The following MRC1 variants were observed in gnomAD, a reference collection of about 807,000 sequenced individuals.
MRC1 encodes mannose receptor C-type 1, also known as macrophage mannose receptor 1.
In MRC1, 62 loss-of-function variants were observed where a neutral mutation model predicts 102.9. That is an observed-to-expected ratio of 0.60 (90% CI 0.49 to 0.74). The LOEUF (loss-of-function observed/expected upper bound fraction) is 0.74, where lower values mean the gene tolerates loss of function less well. Ranked by LOEUF, MRC1 falls within the 30% of genes least tolerant of loss-of-function variation. The pLI is 0.00. For missense variants in MRC1, 1,237 were observed against 862.8 expected (o/e 1.43, Z -5.43); for synonymous variants, 457 against 298.4 (o/e 1.53, Z -5.48).
chr10:17,832,335 T>A (rs1400150785), intron 3 of MRC1, among the ~76,000 whole-genome samples: 1 of 150,936 alleles, frequency 6.6e-6, no homozygotes, highest in Non-Finnish European at 1.5e-5. Context: ...GGCGGGTGGA[T>A]CACAAGGTCA....
intron 4 of MRC1, 132 bp downstream of exon 4, chr10:17,833,971 A>G: frequency 1.5e-6 from 1 of 648,418 alleles, no homozygotes. Context: ...TGTGGATGTC[A>G]TGACAAATCT....
intron 17 of MRC1, among the ~76,000 whole-genome samples, chr10:17,876,548 T>C (rs985000954): frequency 0.52 from 78,569 of 152,032 alleles, 20,660 homozygotes; most frequent in Middle Eastern, 0.61. Flanking sequence ...GTGCCCAGTC[T>C]CAGAACCATT....
At chr10:17,874,193 C>G (rs1056607907) in intron 16 of MRC1, among the ~76,000 whole-genome samples, 3 of 152,174 alleles carry the variant, frequency 2.0e-5, no homozygotes, top group African/African-American at 7.2e-5. Context: ...GAATCAATTT[C>G]ACTGGGCCAA....
chr10:17,830,925 G>C (rs1385727571), intron 3 of MRC1, among the ~76,000 whole-genome samples: 1 of 150,576 alleles, frequency 6.6e-6, no homozygotes, highest in Non-Finnish European at 1.5e-5. Flanking sequence ...GTCTTGCTCT[G>C]TCACTGAGGC....
At chr10:17,873,875 CCT>C (rs1833389700) in intron 16 of MRC1, 50 bp downstream of exon 16, 2 of 866,338 alleles carry the variant, frequency 2.3e-6, no homozygotes, top group Non-Finnish European at 4.0e-6. Flanking sequence ...CCTTTCTCCG[CCT>C]CTTTCCTTTC....
intron 26 of MRC1, among the ~76,000 whole-genome samples, chr10:17,905,876 T>C (rs1833888013): frequency 1.3e-5 from 2 of 152,166 alleles, no homozygotes; most frequent in Admixed American, 6.5e-5. Context: ...GGGGCAAAGA[T>C]GGTACCTATT....
At chr10:17,905,698 A>C (rs1311635743) in intron 26 of MRC1, among the ~76,000 whole-genome samples, 2 of 152,112 alleles carry the variant, frequency 1.3e-5, no homozygotes, top group Non-Finnish European at 2.9e-5. Flanking sequence ...CATGCAGTGA[A>C]AACAAGGCGA....
At chr10:17,878,247 AGTT>A (rs1444313804) in intron 18 of MRC1, among the ~76,000 whole-genome samples, 1 of 152,208 alleles carries the variant, frequency 6.6e-6, no homozygotes, top group Non-Finnish European at 1.5e-5. Flanking sequence ...TCTACTAAAA[AGTT>A]GTTGTTTTAG....
chr10:17,874,735 C>G (rs1461568146), intron 16 of MRC1, among the ~76,000 whole-genome samples: 2 of 151,498 alleles, frequency 1.3e-5, no homozygotes, highest in Non-Finnish European at 1.5e-5. Context: ...GCTGCTTTCT[C>G]ATAGTTCCCA....
At chr10:17,874,148 G>T (rs920155012) in intron 16 of MRC1, among the ~76,000 whole-genome samples, 3 of 152,170 alleles carry the variant, frequency 2.0e-5, no homozygotes, top group Admixed American at 6.6e-5. Context: ...ATAACATGCA[G>T]TTACTCCCTT....
chr10:17,897,934 C>G, intron 23 of MRC1, 100 bp from the exon 24 acceptor site: 1 of 771,780 alleles, frequency 1.3e-6, no homozygotes, highest in Admixed American at 1.7e-5. Context: ...AGTTATGCTA[C>G]TTTGCTTATT....
At chr10:17,824,246 G>T (rs928490331) in intron 2 of MRC1, among the ~76,000 whole-genome samples, 1 of 152,140 alleles carries the variant, frequency 6.6e-6, no homozygotes, top group East Asian at 1.9e-4. Context: ...CAACTTGAAG[G>T]CTTGTTACAA....
intron 18 of MRC1, among the ~76,000 whole-genome samples, chr10:17,878,489 G>A (rs1217853891): frequency 6.6e-6 from 1 of 152,106 alleles, no homozygotes; most frequent in Non-Finnish European, 1.5e-5. Flanking sequence ...GTAGGGACAT[G>A]AGAAAATGAA....
In MRC1 at chr10:17,870,266, T is replaced by C. The variant is rs1833335960; in HGVS notation, c.2004T>C (p.His668=). ...LCFKLYAKGK[H]EKKTWFESRD... ...TTCAGCTGTATGCAAAAGGAAAACA[T>C]GAGAAGAAAACGTGGTTTGAATCTC... The change falls in exon 13 of 30, where the codon CAT becomes CAC. Residue 668 remains histidine, a synonymous_variant. Transcript: ENST00000569591. The C allele has an allele frequency of 1.3e-6, 1 of 780,382 alleles. No individual in the cohort carries two copies. The highest frequency in any genetic ancestry group is 1.7e-5 in the African/African-American group (1 of 59,124). 48.3% of individuals were successfully genotyped at this position (780,382 alleles called of 1,614,324 possible).
intron 9 of MRC1, among the ~76,000 whole-genome samples, chr10:17,858,783 G>T (rs1249849012): frequency 5.3e-5 from 8 of 152,184 alleles, no homozygotes; most frequent in Non-Finnish European, 8.8e-5. Flanking sequence ...ATTGTGCCAG[G>T]CATGAGCCAT....
intron 6 of MRC1, among the ~76,000 whole-genome samples, 155 bp downstream of exon 6, chr10:17,845,590 G>C (rs1390786860): frequency 6.6e-6 from 1 of 152,144 alleles, no homozygotes; most frequent in African/African-American, 2.4e-5. Flanking sequence ...TCTGTGTGCT[G>C]GTTGCTAGTA....
chr10:17,871,956 G>T lies in MRC1; in HGVS notation c.2200-26G>T, dbSNP rs897881053. 3,760 of 779,428 alleles carry T rather than the reference G, an allele frequency of 4.8e-3. 25 individuals carry two copies. Among genetic ancestry groups the T allele is most frequent in the Non-Finnish European group, 4.8e-3 (2,022 of 417,246 alleles). 48.3% of individuals were successfully genotyped at this position (779,428 alleles called of 1,614,324 possible). On this transcript the variant is annotated intron_variant, in intron 14 of 29. Transcript: ENST00000569591. ...ATTGGCTTGATACAAATGGTTAATG[G>T]TTGTAGTTTAATGTTTCTAATATAG...
intron 15 of MRC1, among the ~76,000 whole-genome samples, chr10:17,873,217 C>T (rs950381343): frequency 2.6e-5 from 4 of 152,000 alleles, no homozygotes; most frequent in Non-Finnish European, 5.9e-5. Flanking sequence ...TTTAGTAAGC[C>T]ATACATTTAA....
rs539469055 is a variant in MRC1, at chr10:17,827,570, T to C, written c.492T>C (p.Asn164=). 5,777 of 780,756 alleles carry C rather than the reference T, an allele frequency of 7.4e-3. 123 individuals are homozygous for C. Among genetic ancestry groups the C allele is most frequent in the Middle Eastern group, 0.055 (242 of 4,436 alleles). The allele number at this position is 780,756 out of a possible 1,614,324, so 48.4% of individuals were successfully genotyped here. The change falls in exon 3 of 30, where the codon AAT becomes AAC. Residue 164 remains asparagine (N), a synonymous_variant. Coordinates refer to ENST00000569591, the MANE Select transcript of MRC1 (RefSeq NM_002438.4). ...TGTATACGCTACTAGGCAATGCCAATGGAGCAACCTGTGCATTCCCGTTCA... is the reference window on the plus strand; with the variant it reads ...TGTATACGCTACTAGGCAATGCCAACGGAGCAACCTGTGCATTCCCGTTCA... The part of the protein sequence containing the change: ...EAMYTLLGNA[N]GATCAFPFKF...
Sources: allele counts gnomAD v4.1 joint callset (sites outside exome capture counted in the v4.1 genomes callset), GRCh38; gene constraint gnomAD v4.1.1; transcripts MANE v1.5; gene names NCBI Gene and HGNC (gene_info 2026-07-23, HGNC 2026-07-21).